Variants in POU2F1 observed in about 807,000 individuals in gnomAD.
The protein encoded by POU2F1 is POU domain, class 2, transcription factor 1.
POU2F1 carries 16 observed loss-of-function variants against 84.9 expected under a neutral mutation model. The ratio of observed to expected loss-of-function variants is 0.19; its 90% CI spans 0.13 to 0.29. The LOEUF is 0.29. POU2F1 is among the 10% of genes least tolerant of loss of function. The pLI, the probability that POU2F1 is intolerant of heterozygous loss-of-function variation, is 1.00. For synonymous variants in POU2F1, 368 were observed against 368.3 expected, an observed-to-expected ratio of 1.00 and a Z score of 0.01; for missense variants, 738 against 942.6, an observed-to-expected ratio of 0.78 and a Z score of 2.84.
Position 167,368,321 on chromosome 1 carries a change from A to C in POU2F1, c.229-1840A>C, listed in dbSNP as rs562403404. Among the ~76,000 whole-genome samples the C allele has an allele frequency of 1.9e-3, 285 of 152,064 alleles. 3 individuals carry two copies. The highest frequency in any genetic ancestry group is 2.9e-3 in the Non-Finnish European group (200 of 67,948). Reference sequence around the variant, plus strand: ...TGCATTTTTGAAAGGAATACAGCAGAAATGATGCTGAGTCCCTCTCGGTGC... The same window carrying C: ...TGCATTTTTGAAAGGAATACAGCAGCAATGATGCTGAGTCCCTCTCGGTGC... On this transcript the variant is annotated intron_variant, in intron 3 of 15. Transcript: ENST00000367866.
chr1:167,363,167 A>G (rs1659457092), intron 2 of POU2F1, among the ~76,000 whole-genome samples: 1 of 152,184 alleles, frequency 6.6e-6, no homozygotes, highest in African/African-American at 2.4e-5. Flanking sequence ...AGAAGCTTTG[A>G]TAGCATTTTT....
chr1:167,338,585 A>G (rs1431536944), intron 2 of POU2F1, among the ~76,000 whole-genome samples: 2 of 152,230 alleles, frequency 1.3e-5, no homozygotes, highest in African/African-American at 4.8e-5. Context: ...TATCACCAAA[A>G]AAGAAAGAGA....
At chr1:167,253,719 G>A (rs970937889) in intron 1 of POU2F1, among the ~76,000 whole-genome samples, 3 of 151,960 alleles carry the variant, frequency 2.0e-5, no homozygotes, top group African/African-American at 4.8e-5. Context: ...GAGCCACCAC[G>A]TCCAGCCAGA....
intron 1 of POU2F1, among the ~76,000 whole-genome samples, chr1:167,276,251 G>A (rs1033538822): frequency 4.6e-5 from 7 of 152,174 alleles, no homozygotes; most frequent in African/African-American, 1.7e-4. Context: ...CTACCTGCCT[G>A]TCAGTCATTC....
intron 3 of POU2F1, among the ~76,000 whole-genome samples, chr1:167,366,132 T>A (rs1288318177): frequency 1.3e-5 from 2 of 152,200 alleles, no homozygotes; most frequent in Non-Finnish European, 2.9e-5. Flanking sequence ...TCATTCATGC[T>A]TTAGCTATAA....
At chr1:167,374,335 G>T in intron 6 of POU2F1, 39 bp downstream of exon 6, 2 of 1,518,158 alleles carry the variant, frequency 1.3e-6, no homozygotes, top group Non-Finnish European at 1.8e-6. Context: ...AGCAAGTGAG[G>T]AATAAAGTGG....
chr1:167,358,737 T>TTTTTTTTTTTTTTTTTTTTTTTTTTG lies in POU2F1; in HGVS notation c.128-6730_128-6729insTTTTTTTTTTTTTTTTTTTTTTTTTG, dbSNP rs71097670. ...GCAGCTTTTTTTTTTTTTTTTTTTT[T>TTTTTTTTTTTTTTTTTTTTTTTTTTG]GAGACAGGTTCTGACTGTGCTGCTC... On this transcript the variant is annotated intron_variant, in intron 2 of 15. Transcript: ENST00000367866. Among the ~76,000 whole-genome samples the TTTTTTTTTTTTTTTTTTTTTTTTTTG allele has an allele frequency of 5.6e-5, 5 of 88,830 alleles. 1 individual carries two copies. The highest frequency in any genetic ancestry group is 8.9e-5 in the Non-Finnish European group (4 of 44,894). The allele number at this position is 88,830 out of a possible 152,430, so 58.3% of individuals were successfully genotyped here. A position where few individuals can be genotyped will look rare whatever the true frequency, so the allele number is the denominator to read the frequency against.
In POU2F1 at chr1:167,389,333, GTTTCATTTTTGTGTATTCA is replaced by G. The variant is rs1296767273; in HGVS notation, c.814-234_814-216del. ...CCATTTGAAAACCCAGTTATAATAG[GTTTCATTTTTGTGTATTCA>G]TTTCATTTTTGTGTATTCATGTTTT... On this transcript the variant is annotated intron_variant, in intron 8 of 15. Coordinates refer to ENST00000367866, the MANE Select transcript of POU2F1 (RefSeq NM_002697.4). Among the ~76,000 whole-genome samples, 3 of 151,966 alleles carry G rather than the reference GTTTCATTTTTGTGTATTCA, an allele frequency of 2.0e-5. No homozygotes were observed. The East Asian group carries it at 5.8e-4, about 29-fold the overall frequency.
intron 1 of POU2F1, among the ~76,000 whole-genome samples, chr1:167,227,093 C>G (rs1021559610): frequency 1.3e-5 from 2 of 152,080 alleles, no homozygotes; most frequent in Admixed American, 1.3e-4. Flanking sequence ...GCCCAGATTT[C>G]TTTTAAACTG....
chr1:167,369,217 C>G (rs1022120897), intron 3 of POU2F1, among the ~76,000 whole-genome samples: 1 of 152,086 alleles, frequency 6.6e-6, no homozygotes, highest in African/African-American at 2.4e-5. Context: ...TGATTAGATT[C>G]AGATTCTACA....
At chr1:167,257,823 G>A in intron 1 of POU2F1, 1 of 151,316 alleles carries the variant, frequency 6.6e-6, no homozygotes, top group East Asian at 1.9e-4. Flanking sequence ...CTCCCAGGCT[G>A]GAGTGCAGTG....
chr1:167,325,766 G>A (rs565675556), intron 1 of POU2F1, among the ~76,000 whole-genome samples: 5 of 151,922 alleles, frequency 3.3e-5, no homozygotes, highest in African/African-American at 1.2e-4. Context: ...GCAGGCGCCT[G>A]TAATCCCAGC....
chr1:167,394,885 G>A (rs770160605), intron 9 of POU2F1, among the ~76,000 whole-genome samples: 6 of 152,156 alleles, frequency 3.9e-5, no homozygotes, highest in Non-Finnish European at 8.8e-5. Flanking sequence ...AGTATTCAAT[G>A]TGCTAATAAA....
chr1:167,300,515 A>C (rs1193689847), intron 1 of POU2F1, among the ~76,000 whole-genome samples: 1 of 152,082 alleles, frequency 6.6e-6, no homozygotes, highest in Non-Finnish European at 1.5e-5. Flanking sequence ...GCCAGGCCAG[A>C]GTGTAGTGGC....
At position 167,413,132 on chromosome 1, in the gene POU2F1, T is replaced by C. The variant is rs1291230390; in HGVS notation, c.1990+18T>C. The stretch of plus-strand genomic sequence containing the variant: ...TATTCAAGGTCAGTAGAAGCCTTTT[T>C]CTTAATTTGGTGGCATGCACGTGTG... On this transcript the variant is annotated intron_variant, in intron 15 of 15. Coordinates refer to ENST00000367866, the MANE Select transcript of POU2F1 (RefSeq NM_002697.4). 4 of 1,593,954 alleles carry C rather than the reference T, an allele frequency of 2.5e-6. 1 individual carries two copies. Among genetic ancestry groups the C allele is most frequent in the Non-Finnish European group, 3.4e-6 (4 of 1,163,656 alleles).
chr1:167,299,583 C>T (rs540183977), intron 1 of POU2F1, among the ~76,000 whole-genome samples: 3 of 152,128 alleles, frequency 2.0e-5, no homozygotes, highest in Non-Finnish European at 4.4e-5. Context: ...ACTTGATTTT[C>T]GCTTGGTGCT....
intron 1 of POU2F1, among the ~76,000 whole-genome samples, chr1:167,282,842 A>C (rs909027250): frequency 6.6e-6 from 1 of 152,140 alleles, no homozygotes; most frequent in African/African-American, 2.4e-5. Flanking sequence ...CCAGAGGCCT[A>C]CTGTCCAGGT....
intron 1 of POU2F1, among the ~76,000 whole-genome samples, chr1:167,228,812 GCAGGTATAAA>G (rs1648839581): frequency 1.3e-5 from 2 of 152,102 alleles, no homozygotes; most frequent in Admixed American, 1.3e-4. Context: ...CTGGAGCAAG[GCAGGTATAAA>G]TAATATTACC....
chr1:167,232,609 G>A (rs1443641149), intron 1 of POU2F1, among the ~76,000 whole-genome samples: 3 of 152,262 alleles, frequency 2.0e-5, no homozygotes, highest in Admixed American at 6.5e-5. Flanking sequence ...TTGGGAAGCC[G>A]AGGTGGGCAG....
Sources: allele counts gnomAD v4.1 joint callset (sites outside exome capture counted in the v4.1 genomes callset), GRCh38; gene constraint gnomAD v4.1.1; transcripts MANE v1.5; gene names NCBI Gene and HGNC (gene_info 2026-07-23, HGNC 2026-07-21).